Variants in EXOC5 observed in about 807,000 individuals in gnomAD.
EXOC5 encodes the protein exocyst complex component 5.
A neutral mutation model predicts 90.8 loss-of-function variants in EXOC5; 17 were observed. The ratio of observed to expected loss-of-function variants is 0.19; its 90% confidence interval spans 0.13 to 0.28. EXOC5 has a LOEUF of 0.28. Ranked by LOEUF, EXOC5 falls within the 10% of genes least tolerant of loss-of-function variation. The pLI is 1.00. For synonymous variants in EXOC5, 260 were observed against 270.0 expected, an observed-to-expected ratio of 0.96 and a Z score of 0.36; for missense variants, 569 against 830.6, an observed-to-expected ratio of 0.69 and a Z score of 3.87.
chr14:57,220,607 C>T (rs995249026), intron 13 of EXOC5, among the ~76,000 whole-genome samples: 3 of 151,776 alleles, frequency 2.0e-5, no homozygotes, highest in Non-Finnish European at 2.9e-5. Flanking sequence ...CAAAAACAGT[C>T]TAGGCAACAA....
In EXOC5 at chr14:57,262,756, T is replaced by C. The variant is rs191388734; in HGVS notation, c.27+5866A>G. On this transcript the variant is annotated intron_variant, in intron 1 of 17. Coordinates refer to ENST00000621441, the MANE Select transcript of EXOC5 (RefSeq NM_006544.4). ...ACGTATATATGTGTGTGTGTATATATATACTTAATGAATATATTATTTCTT... is the reference window on the plus strand; with the variant it reads ...ACGTATATATGTGTGTGTGTATATACATACTTAATGAATATATTATTTCTT... Among the ~76,000 whole-genome samples the C allele has an allele frequency of 3.9e-3, 584 of 150,174 alleles. 7 individuals are homozygous for C. The highest frequency in any genetic ancestry group is 0.014 in the African/African-American group (562 of 40,932).
intron 12 of EXOC5, among the ~76,000 whole-genome samples, chr14:57,224,279 A>G (rs557852292): frequency 6.6e-6 from 1 of 152,140 alleles, no homozygotes; most frequent in Admixed American, 6.5e-5. Context: ...AAAATTAATG[A>G]AACCAAAAGC....
At position 57,247,604 on chromosome 14, in the gene EXOC5, T is replaced by A. The variant is rs12889943; in HGVS notation, c.122+14A>T. On this transcript the variant is annotated intron_variant, in intron 2 of 17. Coordinates refer to ENST00000621441, the MANE Select transcript of EXOC5 (RefSeq NM_006544.4). ...CAGATTAGATCTGTGGGGAAAAAAATTTTTTTATTTCACCTTTTAGGATCA... is the reference window on the plus strand; with the variant it reads ...CAGATTAGATCTGTGGGGAAAAAAAATTTTTTATTTCACCTTTTAGGATCA... 2,818 of 1,447,160 alleles carry A rather than the reference T, an allele frequency of 1.9e-3. 58 individuals are homozygous for A. The African/African-American group carries it at 0.037, about 19-fold the overall frequency. The allele number at this position is 1,447,160 out of a possible 1,614,324, so 89.6% of individuals were successfully genotyped here. A position where few individuals can be genotyped will look rare whatever the true frequency, so the allele number is the denominator to read the frequency against.
At chr14:57,235,618 TAATG>T (rs2139641047) in intron 7 of EXOC5, 89 bp downstream of exon 7, 1 of 656,500 alleles carries the variant, frequency 1.5e-6, no homozygotes, top group Admixed American at 2.4e-5. Context: ...GATAGTTACA[TAATG>T]AATGGGGGAA....
chr14:57,260,629 A>G (rs1254517868), intron 1 of EXOC5, among the ~76,000 whole-genome samples: 1 of 152,206 alleles, frequency 6.6e-6, no homozygotes, highest in Admixed American at 6.5e-5. Context: ...AAATGTTACA[A>G]TTCCTGTTAC....
intron 1 of EXOC5, among the ~76,000 whole-genome samples, chr14:57,268,061 T>A (rs1330306231): frequency 4.0e-5 from 6 of 151,456 alleles, no homozygotes; most frequent in Admixed American, 1.3e-4. Flanking sequence ...AGGCCTTTAT[T>A]GTCCAAAAAA....
chr14:57,209,400 A>T (rs1882758749), intron 17 of EXOC5, among the ~76,000 whole-genome samples, 167 bp downstream of exon 17: 1 of 152,004 alleles, frequency 6.6e-6, no homozygotes, highest in Non-Finnish European at 1.5e-5. Flanking sequence ...ATAAAAAAAA[A>T]TAATAATTGG....
chr14:57,268,501 T>A, intron 1 of EXOC5, 121 bp downstream of exon 1: 2 of 1,526,532 alleles, frequency 1.3e-6, no homozygotes, highest in Admixed American at 2.0e-5. Context: ...ACCCTTCTGT[T>A]TCGCACCTCT....
intron 1 of EXOC5, among the ~76,000 whole-genome samples, chr14:57,263,593 C>T (rs1484882534): frequency 6.6e-6 from 1 of 151,338 alleles, no homozygotes; most frequent in Non-Finnish European, 1.5e-5. Context: ...CAGCGAAAGC[C>T]CATCTCTACT....
chr14:57,221,794 T>C (rs1019385331), intron 13 of EXOC5, among the ~76,000 whole-genome samples: 3 of 152,144 alleles, frequency 2.0e-5, no homozygotes, highest in Non-Finnish European at 4.4e-5. Context: ...ATTTTGGATA[T>C]GTTAAGTTTG....
intron 1 of EXOC5, among the ~76,000 whole-genome samples, chr14:57,250,685 T>C (rs1247071253): frequency 6.6e-6 from 1 of 152,064 alleles, no homozygotes; most frequent in East Asian, 1.9e-4. Context: ...AGTCTACAAA[T>C]GTTTAACAGG....
intron 15 of EXOC5, among the ~76,000 whole-genome samples, chr14:57,215,704 C>T (rs898515265): frequency 6.6e-6 from 1 of 152,078 alleles, no homozygotes; most frequent in African/African-American, 2.4e-5. Flanking sequence ...AAGCCCACAA[C>T]TAATATCAAA....
intron 15 of EXOC5, among the ~76,000 whole-genome samples, chr14:57,216,186 G>C (rs1882966376): frequency 6.6e-6 from 1 of 151,684 alleles, no homozygotes; most frequent in Non-Finnish European, 1.5e-5. Flanking sequence ...CCCGTGTTTA[G>C]AGCTTGAAAG....
chr14:57,241,177 C>T (rs1318305537), intron 4 of EXOC5, among the ~76,000 whole-genome samples: 1 of 152,112 alleles, frequency 6.6e-6, no homozygotes, highest in Admixed American at 6.6e-5. Context: ...TCTAAGTAGG[C>T]ATGTGAACTC....
chr14:57,230,407 A>T (rs1883445322), intron 11 of EXOC5, among the ~76,000 whole-genome samples: 1 of 150,016 alleles, frequency 6.7e-6, no homozygotes, highest in Non-Finnish European at 1.5e-5. Flanking sequence ...TAGGATATGT[A>T]ACTTGAGACT....
At chr14:57,267,437 T>C (rs892555160) in intron 1 of EXOC5, among the ~76,000 whole-genome samples, 3 of 152,214 alleles carry the variant, frequency 2.0e-5, no homozygotes, top group Admixed American at 6.5e-5. Flanking sequence ...CCATTTGTTA[T>C]TAAAACTGTG....
chr14:57,238,363 TATATATATATATACACAC>T (rs1328104360), intron 5 of EXOC5, among the ~76,000 whole-genome samples: 15 of 94,088 alleles, frequency 1.6e-4, no homozygotes, highest in African/African-American at 4.3e-4. Context: ...TATATATATA[TATATATATATATACACAC>T]ACACACACAC....
chr14:57,222,083 T>G (rs1010401509), intron 13 of EXOC5, among the ~76,000 whole-genome samples: 3 of 152,180 alleles, frequency 2.0e-5, no homozygotes, highest in African/African-American at 7.2e-5. Context: ...TTGTAGTGAC[T>G]TAAGTAGCTT....
At chr14:57,225,703 G>A (rs933007612) in intron 12 of EXOC5, among the ~76,000 whole-genome samples, 1 of 152,160 alleles carries the variant, frequency 6.6e-6, no homozygotes, top group African/African-American at 2.4e-5. Context: ...ATTTTGCTAA[G>A]GTTAAGGACA....
Sources: allele counts gnomAD v4.1 joint callset (sites outside exome capture counted in the v4.1 genomes callset), GRCh38; gene constraint gnomAD v4.1.1; transcripts MANE v1.5; gene names NCBI Gene and HGNC (gene_info 2026-07-23, HGNC 2026-07-21).